Variants in MAF observed in about 807,000 individuals in gnomAD.
MAF encodes transcription factor Maf.
A neutral mutation model predicts 22.0 loss-of-function variants in MAF; 10 were observed. The observed-to-expected ratio is 0.45, with a 90% CI of 0.28 to 0.77. The LOEUF is 0.77. MAF is among the 30% of genes least tolerant of loss of function. The pLI, the probability that MAF is intolerant of heterozygous loss-of-function variation, is 0.12. For synonymous variants in MAF, 337 were observed against 255.8 expected, an observed-to-expected ratio of 1.32 and a Z score of -3.03; for missense variants, 544 against 548.4, an observed-to-expected ratio of 0.99 and a Z score of 0.08.
the MAF span, among the ~76,000 whole-genome samples, chr16:79,416,786 C>G: frequency 1.3e-5 from 2 of 152,198 alleles, no homozygotes; most frequent in African/African-American, 4.8e-5. Context: ...TACCCTCTCC[C>G]TGTAGAAAGT....
chr16:79,483,611 A>T, the MAF span, among the ~76,000 whole-genome samples: 9 of 152,034 alleles, frequency 5.9e-5, no homozygotes. Context: ...GAGAATGAGA[A>T]TAAGTATGTC....
the MAF span, among the ~76,000 whole-genome samples, chr16:79,455,839 G>A: frequency 1.3e-5 from 2 of 152,108 alleles, no homozygotes; most frequent in Non-Finnish European, 2.9e-5. Context: ...CCAACACGGT[G>A]AAACTCTGTC....
chr16:79,330,231 C>T, the MAF span, among the ~76,000 whole-genome samples: 2 of 152,246 alleles, frequency 1.3e-5, no homozygotes, highest in East Asian at 3.9e-4. Flanking sequence ...CAGATCATTC[C>T]AAGCATAATT....
the MAF span, among the ~76,000 whole-genome samples, chr16:79,249,379 A>T: frequency 6.8e-6 from 1 of 147,792 alleles, no homozygotes; most frequent in African/African-American, 2.5e-5. Context: ...AGATCATGCC[A>T]CTGCACTCCA....
chr16:79,511,943 G>T, the MAF span, among the ~76,000 whole-genome samples: 1 of 152,128 alleles, frequency 6.6e-6, no homozygotes, highest in African/African-American at 2.4e-5. Context: ...TCACAGATTG[G>T]CCAGACTGCT....
At chr16:79,392,855 G>A in the MAF span, among the ~76,000 whole-genome samples, 13 of 152,186 alleles carry the variant, frequency 8.5e-5, no homozygotes, top group Admixed American at 3.9e-4. Context: ...AGAGATGCCT[G>A]TGGGAATCCA....
the MAF span, among the ~76,000 whole-genome samples, chr16:79,416,205 G>A: frequency 6.6e-6 from 1 of 152,152 alleles, no homozygotes; most frequent in Non-Finnish European, 1.5e-5. Flanking sequence ...CCAGGAGATG[G>A]CTGAGCTGTG....
At chr16:79,536,857 A>G in the MAF span, among the ~76,000 whole-genome samples, 3 of 152,200 alleles carry the variant, frequency 2.0e-5, no homozygotes, top group Admixed American at 6.5e-5. Context: ...TGCAAATCCT[A>G]CTACACCATT....
At chr16:79,598,142 C>A (rs1913674464) in intron 1 of MAF, 2 of 1,044,392 alleles carry the variant, frequency 1.9e-6, no homozygotes, top group South Asian at 4.6e-5. Context: ...ATGAAGAACT[C>A]AGGAGAAGAA....
At chr16:79,210,786 T>C in the MAF span, among the ~76,000 whole-genome samples, 1 of 152,226 alleles carries the variant, frequency 6.6e-6, no homozygotes, top group East Asian at 1.9e-4. Flanking sequence ...TCAGTTTGGA[T>C]GATATGATGC....
At chr16:79,229,363 T>G in the MAF span, 1 of 151,638 alleles carries the variant, frequency 6.6e-6, no homozygotes, top group Non-Finnish European at 1.5e-5. Flanking sequence ...GCAGGCATTG[T>G]GCAGGGTGTC....
At chr16:79,310,177 C>A in the MAF span, among the ~76,000 whole-genome samples, 1 of 152,154 alleles carries the variant, frequency 6.6e-6, no homozygotes, top group African/African-American at 2.4e-5. Flanking sequence ...GTTCAGCCAC[C>A]CTTTTGTGCA....
At chr16:79,216,470 G>C in the MAF span, among the ~76,000 whole-genome samples, 51 of 152,272 alleles carry the variant, frequency 3.3e-4, 1 homozygote, top group African/African-American at 1.2e-3. Flanking sequence ...ACTGTGCTTA[G>C]AGTACCCATA....
chr16:79,525,717 A>AT, the MAF span, among the ~76,000 whole-genome samples: 46 of 152,200 alleles, frequency 3.0e-4, no homozygotes, highest in Admixed American at 4.6e-4. Context: ...TTTTTTCTAC[A>AT]TTTTTCATGT....
At chr16:79,380,030 C>T in the MAF span, among the ~76,000 whole-genome samples, 1 of 152,320 alleles carries the variant, frequency 6.6e-6, no homozygotes, top group South Asian at 2.1e-4. Flanking sequence ...AACACGCACA[C>T]TCCCTTCTCA....
the MAF span, among the ~76,000 whole-genome samples, chr16:79,357,278 ACAACAACAAC>A: frequency 4.0e-4 from 59 of 147,616 alleles, no homozygotes; most frequent in African/African-American, 1.5e-3. Context: ...AACAACAACA[ACAACAACAAC>A]AACAACAACA....
At chr16:79,228,723 C>T in the MAF span, among the ~76,000 whole-genome samples, 2 of 152,014 alleles carry the variant, frequency 1.3e-5, no homozygotes, top group South Asian at 2.1e-4. Context: ...TGTTTCTCCT[C>T]TGTTTCCACT....
the MAF span, among the ~76,000 whole-genome samples, chr16:79,305,743 G>C: frequency 2.0e-5 from 3 of 152,222 alleles, no homozygotes; most frequent in Non-Finnish European, 2.9e-5. Flanking sequence ...TTTAAGCAGA[G>C]AGAGGAATTT....
At chr16:79,458,144 G>GTGTGTGTGTGTGTGTA in the MAF span, among the ~76,000 whole-genome samples, 6 of 150,644 alleles carry the variant, frequency 4.0e-5, no homozygotes, top group Admixed American at 6.6e-5. Context: ...GTGTGTGTGT[G>GTGTGTGTGTGTGTGTA]TGTCTTTGCT....
Sources: gnomAD v4.1 joint callset for allele counts (sites outside exome capture counted in the v4.1 genomes callset) on GRCh38, gnomAD v4.1.1 for gene constraint, MANE v1.5 for transcripts, NCBI Gene and HGNC (gene_info 2026-07-23, HGNC 2026-07-21) for gene names.